FANK1: variants seen among roughly 807,000 people sequenced by gnomAD.
FANK1 encodes fibronectin type III and ankyrin repeat domains 1.
Under a neutral mutation model 45.3 loss-of-function variants are expected in FANK1, and 44 were observed. That is an observed-to-expected ratio of 0.97 (90% confidence interval 0.76 to 1.25). FANK1 has a LOEUF of 1.25. Among genes scored for constraint, FANK1 ranks in the 50% most tolerant of loss-of-function variants. The probability of loss-of-function intolerance (pLI) is 0.00; values close to 1 mark genes in which losing one functional copy is unlikely to be tolerated. For synonymous variants in FANK1, 149 were observed against 152.5 expected (o/e 0.98, Z 0.17); for missense variants, 391 against 424.4 (o/e 0.92, Z 0.69).
At chr10:125,899,802 CT>C (rs1344468951) in intron 1 of FANK1, among the ~76,000 whole-genome samples, 25 of 152,180 alleles carry the variant, frequency 1.6e-4, no homozygotes, top group African/African-American at 5.5e-4. Flanking sequence ...ATTTTAAACC[CT>C]GTTCCTTTTG....
chr10:125,912,605 C>G (rs1169701481), intron 1 of FANK1, among the ~76,000 whole-genome samples: 1 of 152,144 alleles, frequency 6.6e-6, no homozygotes, highest in Non-Finnish European at 1.5e-5. Flanking sequence ...AATATTCAAT[C>G]ATCTACTTAA....
intron 1 of FANK1, among the ~76,000 whole-genome samples, chr10:125,922,482 C>T (rs1323420019): frequency 1.3e-5 from 2 of 152,204 alleles, no homozygotes; most frequent in Non-Finnish European, 2.9e-5. Context: ...AGCATACATA[C>T]GCCATCCTGG....
chr10:125,927,339 A>G (rs1947422673), intron 1 of FANK1, among the ~76,000 whole-genome samples: 1 of 152,108 alleles, frequency 6.6e-6, no homozygotes, highest in Non-Finnish European at 1.5e-5. Flanking sequence ...TAGTTTTCCT[A>G]TTATTCGCTT....
chr10:125,980,528 CTG>C, intron 2 of FANK1, 190 bp downstream of exon 2: 1 of 564,868 alleles, frequency 1.8e-6, no homozygotes, highest in East Asian at 3.0e-5. Context: ...AATTAAACCT[CTG>C]TACCTTTGAG....
At chr10:125,976,403 T>C (rs2134197154) in intron 1 of FANK1, among the ~76,000 whole-genome samples, 1 of 152,372 alleles carries the variant, frequency 6.6e-6, no homozygotes, top group African/African-American at 2.4e-5. Context: ...TCTAGGAATA[T>C]ATTTTCCAAG....
intron 1 of FANK1, among the ~76,000 whole-genome samples, chr10:125,908,266 G>A (rs1945706070): frequency 6.6e-6 from 1 of 152,174 alleles, no homozygotes; most frequent in Non-Finnish European, 1.5e-5. Flanking sequence ...AAAGGGCTGG[G>A]ATTACAGGTG....
At chr10:125,988,702 C>T in intron 3 of FANK1, 27 bp downstream of exon 3, 1 of 1,614,196 alleles carries the variant, frequency 6.2e-7, no homozygotes, top group Non-Finnish European at 8.5e-7. Context: ...TCCACACTCA[C>T]CTCTCTCTAG....
chr10:125,947,593 A>G (rs1188456364), intron 1 of FANK1, among the ~76,000 whole-genome samples: 7 of 151,812 alleles, frequency 4.6e-5, no homozygotes, highest in East Asian at 1.9e-4. Flanking sequence ...ACCCAATACA[A>G]GAGCACCCAG....
At chr10:125,991,853 C>T (rs1159362469) in intron 3 of FANK1, among the ~76,000 whole-genome samples, 1 of 152,140 alleles carries the variant, frequency 6.6e-6, no homozygotes, top group Non-Finnish European at 1.5e-5. Context: ...TCTGCAGGTA[C>T]ATCTGCAACT....
chr10:125,900,929 C>T (rs1180076599), intron 1 of FANK1, among the ~76,000 whole-genome samples: 6 of 151,966 alleles, frequency 3.9e-5, no homozygotes, highest in Non-Finnish European at 1.5e-5. Context: ...GGATTATAGG[C>T]GTGTGCCACT....
At chr10:125,971,212 C>G (rs1950495150) in intron 1 of FANK1, among the ~76,000 whole-genome samples, 1 of 152,148 alleles carries the variant, frequency 6.6e-6, no homozygotes, top group Admixed American at 6.5e-5. Context: ...TGATGCAACT[C>G]TTCCTCTTCC....
At position 126,004,961 on chromosome 10, in the gene FANK1, G is replaced by C. The variant is rs1393749371; in HGVS notation, c.617G>C (p.Arg206Thr). Residue 206 changes from arginine to threonine, a missense_variant, in exon 7 of 11, where the codon AGA (arginine) becomes ACA (threonine). Arg to Thr is a moderately conservative substitution (Grantham distance 71, BLOSUM62 -1). Transcript: ENST00000368693. ...AGACATGGCGCTTCTTGGCAGGCTA[G>C]AGACCTGGGAGGCTGTACAGCTCTG... Reference protein sequence around the residue: ...LRRHGASWQARDLGGCTALHW... With the variant: ...LRRHGASWQATDLGGCTALHW... The C allele has an allele frequency of 6.2e-7, 1 of 1,614,212 alleles. No individual in the cohort carries two copies. Among genetic ancestry groups the C allele is most frequent in the Admixed American group, 1.7e-5 (1 of 60,030 alleles).
chr10:125,951,099 G>T (rs1440645070), intron 1 of FANK1, among the ~76,000 whole-genome samples: 18 of 118,294 alleles, frequency 1.5e-4, no homozygotes, highest in African/African-American at 5.0e-4. Flanking sequence ...GTGGTGGGGT[G>T]GGGGGAGGGG....
intron 1 of FANK1, among the ~76,000 whole-genome samples, chr10:125,940,047 A>G (rs967078175): frequency 1.3e-5 from 2 of 152,070 alleles, no homozygotes; most frequent in Non-Finnish European, 2.9e-5. Flanking sequence ...TTAAATGTGA[A>G]AGGCAAAACA....
chr10:125,931,749 T>G (rs1387573893), intron 1 of FANK1, among the ~76,000 whole-genome samples: 2 of 152,222 alleles, frequency 1.3e-5, no homozygotes, highest in Non-Finnish European at 2.9e-5. Context: ...TTTATTGCAT[T>G]TGCTTTTGGG....
At chr10:126,007,461 C>T (rs1038291760) in intron 7 of FANK1, among the ~76,000 whole-genome samples, 1 of 152,154 alleles carries the variant, frequency 6.6e-6, no homozygotes, top group Non-Finnish European at 1.5e-5. Flanking sequence ...CAGGTTAGTT[C>T]TTTGCATGAA....
chr10:125,898,169 G>A (rs1944735354), intron 1 of FANK1, among the ~76,000 whole-genome samples: 1 of 152,090 alleles, frequency 6.6e-6, no homozygotes, highest in Admixed American at 6.6e-5. Flanking sequence ...CCTGGTGACA[G>A]AGCGAGACTC....
intron 1 of FANK1, among the ~76,000 whole-genome samples, chr10:125,930,958 C>G (rs1379021890): frequency 6.6e-6 from 1 of 152,190 alleles, no homozygotes; most frequent in African/African-American, 2.4e-5. Flanking sequence ...TCAGTGAGAA[C>G]ATACAATCTT....
chr10:125,950,066 T>G (rs1349848374), intron 1 of FANK1, among the ~76,000 whole-genome samples: 5 of 139,274 alleles, frequency 3.6e-5, no homozygotes, highest in Admixed American at 7.4e-5. Context: ...TAGCCATATG[T>G]AGAAAGCTGA....
Sources: gnomAD v4.1 joint callset for allele counts (sites outside exome capture counted in the v4.1 genomes callset) on GRCh38, gnomAD v4.1.1 for gene constraint, MANE v1.5 for transcripts, NCBI Gene and HGNC (gene_info 2026-07-23, HGNC 2026-07-21) for gene names.